NUCB1: variants seen among roughly 807,000 people sequenced by gnomAD.
NUCB1 encodes nucleobindin 1, also known as nucleobindin-1.
NUCB1 carries 47 observed loss-of-function variants against 61.2 expected under a neutral mutation model. The observed-to-expected ratio is 0.77, with a 90% CI of 0.61 to 0.98. The LOEUF is 0.98. Among genes scored for constraint, NUCB1 ranks in the 50% least tolerant of loss-of-function variants. The pLI, the probability that NUCB1 is intolerant of heterozygous loss-of-function variation, is 0.00. For missense variants in NUCB1, 583 were observed against 605.3 expected (o/e 0.96, Z 0.39); for synonymous variants, 234 against 243.1 (o/e 0.96, Z 0.35).
At chr19:48,911,117 C>T (rs2037466618) in intron 4 of NUCB1, 32 bp from the exon 5 acceptor site, 5 of 1,489,406 alleles carry the variant, frequency 3.4e-6, no homozygotes, top group Non-Finnish European at 4.7e-6. Flanking sequence ...AAGAACATGC[C>T]CTCAGGTGTT....
intron 7 of NUCB1, among the ~76,000 whole-genome samples, chr19:48,915,135 T>C (rs1322179103): frequency 2.0e-5 from 3 of 151,852 alleles, no homozygotes; most frequent in Non-Finnish European, 4.4e-5. Flanking sequence ...GATACATCCC[T>C]ATTTCAGGGG....
Position 48,901,191 on chromosome 19 carries a change from A to T in NUCB1, c.135+260A>T, listed in dbSNP as rs113800419. ...TAAGATTCTCTCCACCCAAGAAGGA[A>T]TTTGAAAACAAACAAACAAAACTAC... On this transcript the variant is annotated intron_variant, in intron 2 of 12. Coordinates refer to ENST00000405315, the MANE Select transcript of NUCB1 (RefSeq NM_006184.6). 1.1e-3 allele frequency: 658 copies of T among 595,842 alleles called. 6 individuals carry two copies. Among genetic ancestry groups the T allele is most frequent in the African/African-American group, 0.01 (555 of 53,698 alleles). The allele number at this position is 595,842 out of a possible 1,614,324, so 36.9% of individuals were successfully genotyped here. A position where few individuals can be genotyped will look rare whatever the true frequency, so the allele number is the denominator to read the frequency against.
At position 48,911,376 on chromosome 19, in the gene NUCB1, G is replaced by C. The variant is rs2037470369; in HGVS notation, c.480+124G>C. On this transcript the variant is annotated intron_variant, in intron 5 of 12. Transcript: ENST00000405315. Reference sequence around the variant, plus strand: ...TGGTGTTCTCTGAGGTTGGAGGCTGGTAGAGGGCTGAGTCGTTTCTTTTCT... The same window carrying C: ...TGGTGTTCTCTGAGGTTGGAGGCTGCTAGAGGGCTGAGTCGTTTCTTTTCT... 7 of 640,912 alleles carry C rather than the reference G, an allele frequency of 1.1e-5. No individual in the cohort carries two copies. In the East Asian group the frequency reaches 2.0e-4, roughly 19 times the overall value. The allele number at this position is 640,912 out of a possible 1,614,324, so 39.7% of individuals were successfully genotyped here. A position where few individuals can be genotyped will look rare whatever the true frequency, so the allele number is the denominator to read the frequency against.
At chr19:48,911,625 C>T (rs1446512425) in intron 5 of NUCB1, among the ~76,000 whole-genome samples, 1 of 151,802 alleles carries the variant, frequency 6.6e-6, no homozygotes, top group East Asian at 1.9e-4. Flanking sequence ...AGGCTGGTCT[C>T]GAACTCCTGA....
intron 4 of NUCB1, among the ~76,000 whole-genome samples, chr19:48,908,533 T>C (rs1304117047): frequency 6.6e-6 from 1 of 152,086 alleles, no homozygotes; most frequent in Non-Finnish European, 1.5e-5. Context: ...CTGGCACAAA[T>C]AATGAATTTG....
At position 48,905,872 on chromosome 19, in the gene NUCB1, C is replaced by T. The variant is rs145502276; in HGVS notation, c.363C>T (p.Ala121=). ...LRMLLKAKMD[A]EQDPNVQVDH... is the part of the protein sequence containing the mutation. ...TGCTGCTCAAGGCCAAGATGGACGC[C>T]GAGCAGGATCCCAGTGAGCAGGGGC... The change falls in exon 4 of 13, where the codon GCC becomes GCT. Residue 121 remains alanine (A), a synonymous_variant. Coordinates refer to ENST00000405315, the MANE Select transcript of NUCB1 (RefSeq NM_006184.6). The T allele has an allele frequency of 2.8e-4, 402 of 1,447,628 alleles. No individual in the cohort carries two copies. Among genetic ancestry groups the T allele is most frequent in the Non-Finnish European group, 3.6e-4 (386 of 1,076,092 alleles). 89.7% of individuals were successfully genotyped at this position (1,447,628 alleles called of 1,614,324 possible). A position where few individuals can be genotyped will look rare whatever the true frequency, so the allele number is the denominator to read the frequency against.
rs1274777060 is a variant in NUCB1 at position 48,921,136 on chromosome 19, C to T, written c.1003-18C>T. The T allele has an allele frequency of 6.3e-7, 1 of 1,591,102 alleles. No individual in the cohort carries two copies. The highest frequency in any genetic ancestry group is 8.6e-7 in the Non-Finnish European group (1 of 1,166,130). ...GGTTGGACCTGTGCCCCTGATGGCCCCTGTGCCTGCCCTGCAGACAGTGGA... is the reference window on the plus strand; with the variant it reads ...GGTTGGACCTGTGCCCCTGATGGCCTCTGTGCCTGCCCTGCAGACAGTGGA... On this transcript the variant is annotated intron_variant, in intron 10 of 12. Transcript: ENST00000405315.
At chr19:48,907,209 G>A (rs937757837) in intron 4 of NUCB1, among the ~76,000 whole-genome samples, 11 of 150,770 alleles carry the variant, frequency 7.3e-5, no homozygotes, top group African/African-American at 2.7e-4. Context: ...CTCTAACCTC[G>A]TGATCCGCCC....
chr19:48,909,867 A>AC (rs948365176), intron 4 of NUCB1, among the ~76,000 whole-genome samples: 20 of 151,646 alleles, frequency 1.3e-4, no homozygotes, highest in African/African-American at 4.8e-4. Context: ...TTATAAGGTC[A>AC]CCAATCATGT....
chr19:48,900,483 G>T, intron 1 of NUCB1, 111 bp downstream of exon 1: 1 of 423,486 alleles, frequency 2.4e-6, no homozygotes, highest in Non-Finnish European at 4.3e-6. Context: ...TTTAGGTCCT[G>T]GGAAAAGAGG....
At chr19:48,912,457 GT>G (rs2037484837) in intron 5 of NUCB1, among the ~76,000 whole-genome samples, 1 of 152,132 alleles carries the variant, frequency 6.6e-6, no homozygotes, top group African/African-American at 2.4e-5. Context: ...GTGGGTTGAA[GT>G]TGCTATTGTA....
intron 4 of NUCB1, among the ~76,000 whole-genome samples, chr19:48,909,661 C>G (rs1600057348): frequency 6.6e-6 from 1 of 152,080 alleles, no homozygotes; most frequent in African/African-American, 2.4e-5. Context: ...CCTGCCTTAG[C>G]CTCCTGAGCA....
rs555695456 is a variant in NUCB1 at position 48,900,989 on chromosome 19, C to A, written c.135+58C>A. 1.1e-4 allele frequency: 182 copies of A among 1,603,348 alleles called. 1 individual carries two copies. In the South Asian group the frequency reaches 1.7e-3, roughly 15 times the overall value. ...GTTTGCAGTGGTACTACAGCTCCTGCAGACCCCGGTGCCCGTAGGGCGGAT... is the reference window on the plus strand; with the variant it reads ...GTTTGCAGTGGTACTACAGCTCCTGAAGACCCCGGTGCCCGTAGGGCGGAT... On this transcript the variant is annotated intron_variant, in intron 2 of 12. Coordinates refer to ENST00000405315, the MANE Select transcript of NUCB1 (RefSeq NM_006184.6).
rs573917038 is a variant in NUCB1, at chr19:48,919,157, C to T, written c.909+35C>T. The T allele has an allele frequency of 4.3e-6, 7 of 1,613,656 alleles. No individual in the cohort carries two copies. The African/African-American group carries it at 8.0e-5, about 18-fold the overall frequency. On this transcript the variant is annotated intron_variant, in intron 9 of 12. Transcript: ENST00000405315. ...GGGCCAGGCGGGGGAGAGGACGGGC[C>T]CCCAGCTCTGTCACTCACCCTTATC...
intron 4 of NUCB1, among the ~76,000 whole-genome samples, chr19:48,907,124 G>A (rs1194262392): frequency 3.3e-5 from 5 of 151,512 alleles, no homozygotes; most frequent in East Asian, 3.9e-4. Flanking sequence ...ACAGGCGCCC[G>A]CCACCATGCC....
intron 6 of NUCB1, 74 bp from the exon 7 acceptor site, chr19:48,913,400 G>A: frequency 5.8e-6 from 8 of 1,370,372 alleles, no homozygotes; most frequent in Non-Finnish European, 8.3e-6. Context: ...TTGGATGAGG[G>A]TAAAGGGATA....
intron 7 of NUCB1, among the ~76,000 whole-genome samples, chr19:48,915,296 T>C (rs2037526500): frequency 6.6e-6 from 1 of 151,330 alleles, no homozygotes; most frequent in South Asian, 2.1e-4. Flanking sequence ...CTGGCCAACA[T>C]GGCAAAACCC....
At chr19:48,915,477 C>G (rs1600064026) in intron 7 of NUCB1, among the ~76,000 whole-genome samples, 1 of 152,122 alleles carries the variant, frequency 6.6e-6, no homozygotes. Context: ...TGCACTCCAG[C>G]CTGGGCAACA....
Position 48,913,049 on chromosome 19 carries a change from T to A in NUCB1, c.519T>A (p.His173Gln). ...RDLAQYDAAHHEEFKRYEMLK... is the reference protein window; with the variant it reads ...RDLAQYDAAHQEEFKRYEMLK... ...TTGCCCAGTACGACGCAGCCCATCATGAAGAGTTCAAGCGCTACGAGATGC... is the reference window on the plus strand; with the variant it reads ...TTGCCCAGTACGACGCAGCCCATCAAGAAGAGTTCAAGCGCTACGAGATGC... Residue 173 changes from histidine (H) to glutamine (Q), a missense_variant, in exon 6 of 13, where the codon CAT (histidine) becomes CAA (glutamine). Coordinates refer to ENST00000405315, the MANE Select transcript of NUCB1 (RefSeq NM_006184.6). 1 of 1,613,250 alleles carries A rather than the reference T, an allele frequency of 6.2e-7. No individual in the cohort carries two copies. Among genetic ancestry groups the A allele is most frequent in the Non-Finnish European group, 8.5e-7 (1 of 1,179,832 alleles).
Sources: allele counts gnomAD v4.1 joint callset (sites outside exome capture counted in the v4.1 genomes callset), GRCh38; gene constraint gnomAD v4.1.1; transcripts MANE v1.5; gene names NCBI Gene and HGNC (gene_info 2026-07-23, HGNC 2026-07-21).